Variants in SPHKAP observed in about 807,000 individuals in gnomAD.
The protein encoded by SPHKAP is SPHK1 interactor, AKAP domain containing, also known as A-kinase anchor protein SPHKAP.
In SPHKAP, 67 loss-of-function variants were observed where a neutral mutation model predicts 137.5. That is an observed-to-expected ratio of 0.49 (90% CI 0.40 to 0.60). The LOEUF is 0.60. SPHKAP is among the 20% of genes least tolerant of loss of function. The probability of loss-of-function intolerance (pLI) is 0.00; values close to 1 mark genes in which losing one functional copy is unlikely to be tolerated. For missense variants in SPHKAP, 2,097 were observed against 2,069.3 expected (o/e 1.01, Z -0.26); for synonymous variants, 813 against 785.3 (o/e 1.04, Z -0.59).
intron 3 of SPHKAP, among the ~76,000 whole-genome samples, chr2:228,107,334 G>A (rs1315967332): frequency 1.3e-5 from 2 of 151,980 alleles, no homozygotes; most frequent in African/African-American, 2.4e-5. Context: ...TTTTGTGGAA[G>A]TTTCAGTTAT....
chr2:228,123,397 G>A lies in SPHKAP; in HGVS notation c.138+8583C>T, dbSNP rs147928992. 7.5e-3 allele frequency among the ~76,000 whole-genome samples: 1,138 copies of A among 152,274 alleles called. 8 individuals carry two copies. The highest frequency in any genetic ancestry group is 0.012 in the Non-Finnish European group (810 of 68,028). On this transcript the variant is annotated intron_variant, in intron 2 of 11. Coordinates refer to ENST00000392056, the MANE Select transcript of SPHKAP (RefSeq NM_001142644.2). ...GGTCAGAAGAGAGTGTTTGAGACTT[G>A]AGAGTTGTTTATACTCCAGGGGGAA...
rs553544549 is a variant in SPHKAP at position 228,002,416 on chromosome 2, TG to T, written c.4449-6723del. Reference sequence around the variant, plus strand: ...TCCTTCACCCACTTTTTGATGAGGTTGTTTTTTTTCCTGTAAATTTGTTTGT... The same window carrying T: ...TCCTTCACCCACTTTTTGATGAGGTTTTTTTTTTCCTGTAAATTTGTTTGT... On this transcript the variant is annotated intron_variant, in intron 7 of 11. Transcript: ENST00000392056. Among the ~76,000 whole-genome samples the T allele has an allele frequency of 2.7e-3, 410 of 152,338 alleles. 6 individuals are homozygous for T. The highest frequency in any genetic ancestry group is 8.6e-3 in the African/African-American group (359 of 41,558).
chr2:228,175,739 G>C (rs866779310), intron 1 of SPHKAP, among the ~76,000 whole-genome samples: 14 of 152,100 alleles, frequency 9.2e-5, no homozygotes, highest in Non-Finnish European at 1.5e-4. Flanking sequence ...GAGATTTTTA[G>C]ATGAGATAAA....
chr2:228,016,292 A>C lies in SPHKAP; in HGVS notation c.4448+114T>G, dbSNP rs900189590. On this transcript the variant is annotated intron_variant, in intron 7 of 11. Transcript: ENST00000392056. ...TCATTTTTTTTTTTTTTGGTCTTGA[A>C]AATTTAGTTCTTGCACCAATCAAAT... 22 of 1,447,200 alleles carry C rather than the reference A, an allele frequency of 1.5e-5. No homozygotes were observed. The African/African-American group carries it at 2.8e-4, about 19-fold the overall frequency. 89.6% of individuals were successfully genotyped at this position (1,447,200 alleles called of 1,614,324 possible). A position where few individuals can be genotyped will look rare whatever the true frequency, so the allele number is the denominator to read the frequency against.
intron 7 of SPHKAP, among the ~76,000 whole-genome samples, chr2:228,008,224 T>C (rs1434365975): frequency 6.6e-6 from 1 of 152,096 alleles, no homozygotes; most frequent in Non-Finnish European, 1.5e-5. Flanking sequence ...ATTGTGCCTT[T>C]GGTGTATCAA....
At chr2:227,990,492 T>A (rs1433166816) in intron 11 of SPHKAP, among the ~76,000 whole-genome samples, 1 of 152,142 alleles carries the variant, frequency 6.6e-6, no homozygotes, top group African/African-American at 2.4e-5. Flanking sequence ...ACTATTAATT[T>A]TGATGTTGGC....
chr2:228,122,042 G>A (rs1293817655), intron 2 of SPHKAP, among the ~76,000 whole-genome samples: 2 of 152,054 alleles, frequency 1.3e-5, no homozygotes, highest in Admixed American at 1.3e-4. Context: ...AGCAGGGTTG[G>A]CTAGTCTTTT....
chr2:228,068,967 C>A (rs931812930), intron 3 of SPHKAP, among the ~76,000 whole-genome samples: 9 of 152,196 alleles, frequency 5.9e-5, no homozygotes, highest in African/African-American at 1.9e-4. Flanking sequence ...TAGCATCTCC[C>A]TCACCCAAAA....
chr2:228,041,482 T>TA (rs537598840), intron 3 of SPHKAP, among the ~76,000 whole-genome samples: 42 of 151,786 alleles, frequency 2.8e-4, no homozygotes, highest in African/African-American at 1.0e-3. Flanking sequence ...CTGTCTCTAC[T>TA]AAAAATACAA....
chr2:228,007,816 T>A (rs1371950554), intron 7 of SPHKAP, among the ~76,000 whole-genome samples: 1 of 152,134 alleles, frequency 6.6e-6, no homozygotes, highest in Non-Finnish European at 1.5e-5. Flanking sequence ...GAAGAAAGGA[T>A]AGTCTCATCA....
chr2:228,171,940 C>T lies in SPHKAP; in HGVS notation c.32+9627G>A, dbSNP rs577266885. On this transcript the variant is annotated intron_variant, in intron 1 of 11. Transcript: ENST00000392056. ...CAGATGCATCTAACATGAGATTTAG[C>T]ATCTAATGTCATTGTTTATCTTGAA... 8.5e-5 allele frequency among the ~76,000 whole-genome samples: 13 copies of T among 152,218 alleles called. 2 individuals carry two copies. The South Asian group carries it at 2.7e-3, about 32-fold the overall frequency.
At chr2:228,055,599 G>A (rs1279807905) in intron 3 of SPHKAP, among the ~76,000 whole-genome samples, 1 of 152,180 alleles carries the variant, frequency 6.6e-6, no homozygotes, top group African/African-American at 2.4e-5. Flanking sequence ...AGTATTAACA[G>A]TGATGACAAC....
chr2:228,031,314 G>C (rs1291998087), intron 3 of SPHKAP, among the ~76,000 whole-genome samples: 1 of 152,204 alleles, frequency 6.6e-6, no homozygotes, highest in Non-Finnish European at 1.5e-5. Flanking sequence ...CAGCGAGGCT[G>C]GGGGAGGGGT....
chr2:228,003,298 G>T (rs1693985422), intron 7 of SPHKAP, among the ~76,000 whole-genome samples: 1 of 152,084 alleles, frequency 6.6e-6, no homozygotes, highest in Non-Finnish European at 1.5e-5. Context: ...TTGTAAGTTG[G>T]ATTCCTAGGT....
chr2:228,156,849 C>G (rs1700122083), intron 1 of SPHKAP, among the ~76,000 whole-genome samples: 1 of 152,160 alleles, frequency 6.6e-6, no homozygotes, highest in Admixed American at 6.5e-5. Context: ...CGTGGCTTTG[C>G]TCCTCTTTGC....
At chr2:228,089,658 CA>C (rs1373554740) in intron 3 of SPHKAP, among the ~76,000 whole-genome samples, 2 of 152,186 alleles carry the variant, frequency 1.3e-5, no homozygotes, top group African/African-American at 4.8e-5. Context: ...AGAAAGGCTT[CA>C]GGGGCAGGCA....
chr2:228,095,641 T>C (rs1034082336), intron 3 of SPHKAP, among the ~76,000 whole-genome samples: 6 of 152,154 alleles, frequency 3.9e-5, no homozygotes, highest in Non-Finnish European at 5.9e-5. Flanking sequence ...TAGTATACTT[T>C]TTAATTTTTT....
chr2:228,061,963 T>A (rs1696653599), intron 3 of SPHKAP, among the ~76,000 whole-genome samples: 1 of 152,128 alleles, frequency 6.6e-6, no homozygotes, highest in Admixed American at 6.5e-5. Context: ...ACCCTCAGTT[T>A]AAAATTAGCT....
At chr2:228,096,630 CTGTGTGTG>C (rs59745287) in intron 3 of SPHKAP, among the ~76,000 whole-genome samples, 14,119 of 148,764 alleles carry the variant, frequency 0.095, 708 homozygotes, top group Non-Finnish European at 0.11. Flanking sequence ...CAGGGGTCAA[CTGTGTGTG>C]TGTGTGTGTG....
Sources: gnomAD v4.1 joint callset for allele counts (sites outside exome capture counted in the v4.1 genomes callset) on GRCh38, gnomAD v4.1.1 for gene constraint, MANE v1.5 for transcripts, NCBI Gene and HGNC (gene_info 2026-07-23, HGNC 2026-07-21) for gene names.